Variants in SGCZ observed in about 807,000 individuals in gnomAD.
SGCZ encodes the protein sarcoglycan zeta, also known as zeta-sarcoglycan.
A neutral mutation model predicts 41.3 loss-of-function variants in SGCZ; 40 were observed. The ratio of observed to expected loss-of-function variants is 0.97; its 90% CI spans 0.75 to 1.26. The LOEUF (loss-of-function observed/expected upper bound fraction) is 1.26. Ranked by LOEUF, SGCZ falls within the 50% of genes most tolerant of loss-of-function variation. The pLI is 0.00. For synonymous variants in SGCZ, 206 were observed against 137.5 expected (o/e 1.50, Z -3.49); for missense variants, 552 against 369.8 (o/e 1.49, Z -4.04).
intron 3 of SGCZ, among the ~76,000 whole-genome samples, chr8:14,256,027 T>A (rs1323433015): frequency 6.6e-6 from 1 of 152,140 alleles, no homozygotes. Flanking sequence ...TAAAAACTTT[T>A]TAGTAAAACT....
chr8:14,909,331 C>T (rs1424904062), intron 1 of SGCZ, among the ~76,000 whole-genome samples: 1 of 152,064 alleles, frequency 6.6e-6, no homozygotes, highest in Non-Finnish European at 1.5e-5. Context: ...TAAATAATTC[C>T]TTTTTTGAAG....
intron 1 of SGCZ, among the ~76,000 whole-genome samples, chr8:14,749,788 C>A (rs1008663606): frequency 6.6e-6 from 1 of 152,048 alleles, no homozygotes; most frequent in East Asian, 1.9e-4. Context: ...TGCCTAAAGT[C>A]TGTGATCCTG....
At chr8:14,653,529 C>A (rs1329705369) in intron 1 of SGCZ, among the ~76,000 whole-genome samples, 3 of 152,128 alleles carry the variant, frequency 2.0e-5, no homozygotes, top group Middle Eastern at 3.4e-3. Context: ...GTTTAAAAAA[C>A]AAACAACAAA....
At chr8:14,529,321 C>G (rs745734041) in intron 2 of SGCZ, among the ~76,000 whole-genome samples, 1 of 152,284 alleles carries the variant, frequency 6.6e-6, no homozygotes, top group Admixed American at 6.5e-5. Context: ...TTGACTCCTT[C>G]TACTTATATG....
chr8:14,958,362 A>G lies in SGCZ; in HGVS notation c.39+279223T>C, dbSNP rs1800859059. On this transcript the variant is annotated intron_variant, in intron 1 of 7. Coordinates refer to ENST00000382080, the MANE Select transcript of SGCZ (RefSeq NM_139167.4). ...AAATGAAATGTTGGTCAATGGATAA[A>G]AGGTTGTGGTATGTTCATACAATGG... Among the ~76,000 whole-genome samples, 3 of 152,082 alleles carry G rather than the reference A, an allele frequency of 2.0e-5. No individual in the cohort carries two copies. In the South Asian group the frequency reaches 6.2e-4, roughly 31 times the overall value.
At chr8:14,279,984 T>G (rs1800366993) in intron 3 of SGCZ, among the ~76,000 whole-genome samples, 1 of 151,982 alleles carries the variant, frequency 6.6e-6, no homozygotes, top group African/African-American at 2.4e-5. Context: ...TTAGGGGCTT[T>G]GCTAGATTCA....
At chr8:14,836,433 A>G (rs1802705119) in intron 1 of SGCZ, among the ~76,000 whole-genome samples, 1 of 152,154 alleles carries the variant, frequency 6.6e-6, no homozygotes. Flanking sequence ...TCCCTGTCCC[A>G]TACAATAACC....
chr8:14,392,247 T>G (rs1312532491), intron 2 of SGCZ, among the ~76,000 whole-genome samples: 1 of 152,200 alleles, frequency 6.6e-6, no homozygotes, highest in Non-Finnish European at 1.5e-5. Flanking sequence ...TTAGAACCAA[T>G]TTTCTACTCA....
intron 2 of SGCZ, among the ~76,000 whole-genome samples, chr8:14,443,508 A>G (rs1449693313): frequency 1.3e-5 from 2 of 152,278 alleles, no homozygotes; most frequent in East Asian, 1.9e-4. Flanking sequence ...ATAACACCGC[A>G]TATCTACAAC....
intron 1 of SGCZ, among the ~76,000 whole-genome samples, chr8:15,049,473 T>C (rs1804436381): frequency 6.6e-6 from 1 of 152,066 alleles, no homozygotes; most frequent in African/African-American, 2.4e-5. Context: ...ATGGAAGCTA[T>C]AGGGGAGTTT....
chr8:14,572,923 A>G (rs557769993), intron 1 of SGCZ, among the ~76,000 whole-genome samples: 2 of 152,306 alleles, frequency 1.3e-5, no homozygotes, highest in African/African-American at 4.8e-5. Context: ...TGCAATGAAT[A>G]TTTACTAAAT....
chr8:15,212,353 C>T (rs940660217), intron 1 of SGCZ, among the ~76,000 whole-genome samples: 1 of 152,088 alleles, frequency 6.6e-6, no homozygotes, highest in African/African-American at 2.4e-5. Context: ...TGGATTCACT[C>T]TGCTTGATCA....
At chr8:14,873,567 T>C (rs952696464) in intron 1 of SGCZ, among the ~76,000 whole-genome samples, 1 of 152,100 alleles carries the variant, frequency 6.6e-6, no homozygotes, top group East Asian at 1.9e-4. Context: ...TACATGACTA[T>C]GCATTTTCAG....
intron 1 of SGCZ, among the ~76,000 whole-genome samples, chr8:14,687,717 A>T (rs13269306): frequency 1.3e-5 from 2 of 150,782 alleles, no homozygotes; most frequent in African/African-American, 2.4e-5. Context: ...CCCAGTAATG[A>T]GATGGCTGGG....
At chr8:14,348,903 A>G (rs563248303) in intron 2 of SGCZ, among the ~76,000 whole-genome samples, 1 of 152,286 alleles carries the variant, frequency 6.6e-6, no homozygotes, top group South Asian at 2.1e-4. Context: ...CACTTTTAGG[A>G]TCTCTACGCA....
chr8:14,448,741 C>T (rs779863019), intron 2 of SGCZ, among the ~76,000 whole-genome samples: 21 of 152,108 alleles, frequency 1.4e-4, no homozygotes, highest in Admixed American at 3.9e-4. Flanking sequence ...ACTCCATGAT[C>T]GCCGTTGATG....
At chr8:14,243,824 C>T (rs1455089725) in intron 3 of SGCZ, among the ~76,000 whole-genome samples, 1 of 152,146 alleles carries the variant, frequency 6.6e-6, no homozygotes, top group Admixed American at 6.5e-5. Context: ...CCTTCAGTTC[C>T]TCAGTCAGTG....
chr8:14,395,705 C>A (rs1437009956), intron 2 of SGCZ, among the ~76,000 whole-genome samples: 6 of 152,142 alleles, frequency 3.9e-5, no homozygotes, highest in African/African-American at 1.4e-4. Flanking sequence ...CCTCACATAA[C>A]CTAGGTGGGC....
intron 1 of SGCZ, among the ~76,000 whole-genome samples, chr8:14,945,497 A>T (rs1293481467): frequency 6.6e-6 from 1 of 152,074 alleles, no homozygotes; most frequent in Non-Finnish European, 1.5e-5. Context: ...CAAGAAAGAA[A>T]ATTCTATTTT....
Sources: gnomAD v4.1 joint callset for allele counts (sites outside exome capture counted in the v4.1 genomes callset) on GRCh38, gnomAD v4.1.1 for gene constraint, MANE v1.5 for transcripts, NCBI Gene and HGNC (gene_info 2026-07-23, HGNC 2026-07-21) for gene names.